RDH13: variants seen among roughly 807,000 people sequenced by gnomAD.
RDH13 encodes retinol dehydrogenase 13 (all-trans and 9-cis).
A neutral mutation model predicts 28.3 loss-of-function variants in RDH13; 35 were observed. That is an observed-to-expected ratio of 1.24 (90% CI 0.95 to 1.64). The LOEUF is 1.64. Among genes scored for constraint, RDH13 ranks in the 40% most tolerant of loss-of-function variants. RDH13 has a pLI of 0.00. For synonymous variants in RDH13, 229 were observed against 198.5 expected (o/e 1.15, Z -1.29); for missense variants, 514 against 446.3 (o/e 1.15, Z -1.37).
rs12609004 is a variant in RDH13 at position 55,056,717 on chromosome 19, G to A, written c.276C>T (p.Asn92=). ...GGGAAGCCAAGTCCAGGTGCCGGGC[G>A]TTGACATGGTGATTGAGGGTCTCCC... The part of the protein sequence containing the change: ...IRGETLNHHV[N]ARHLDLASLK... Residue 92 remains asparagine (N), a synonymous_variant, in exon 3 of 7, where the codon AAC becomes AAT. Coordinates refer to ENST00000415061, the MANE Select transcript of RDH13 (RefSeq NM_001145971.2). 1,258 of 1,613,940 alleles carry A rather than the reference G, an allele frequency of 7.8e-4. 12 individuals are homozygous for A. The African/African-American group carries it at 0.012, about 16-fold the overall frequency.
intron 1 of RDH13, among the ~76,000 whole-genome samples, chr19:55,061,891 C>T (rs1003276351): frequency 6.6e-6 from 1 of 152,024 alleles, no homozygotes; most frequent in Non-Finnish European, 1.5e-5. Flanking sequence ...GCCAAGGTGG[C>T]CAGATCCCCT....
At chr19:55,056,502 G>A (rs2075638495) in intron 3 of RDH13, 151 bp downstream of exon 3, 2 of 862,650 alleles carry the variant, frequency 2.3e-6, no homozygotes, top group South Asian at 2.3e-5. Context: ...CTTGCAGGCT[G>A]TACAAAAAAA....
chr19:55,057,850 C>CG (rs1204973959), intron 2 of RDH13, among the ~76,000 whole-genome samples: 1 of 148,834 alleles, frequency 6.7e-6, no homozygotes. Context: ...TCTGCTGCCG[C>CG]GGCTGGAGTG....
chr19:55,062,032 G>T (rs953882345), intron 1 of RDH13, among the ~76,000 whole-genome samples: 6 of 151,826 alleles, frequency 4.0e-5, no homozygotes, highest in Non-Finnish European at 8.8e-5. Flanking sequence ...CCGGACAATC[G>T]CTTGAACCCG....
At chr19:55,055,935 C>T (rs1671172) in intron 3 of RDH13, among the ~76,000 whole-genome samples, 112,250 of 151,766 alleles carry the variant, frequency 0.74, 41,720 homozygotes, top group East Asian at 0.94. Flanking sequence ...AGCAGATCAC[C>T]TGAGGTCAGG....
chr19:55,044,172 C>CCAAGTCTGAA (rs2075120508), downstream of RDH13: 1 of 152,102 alleles, frequency 6.6e-6, no homozygotes, highest in Admixed American at 6.6e-5. Context: ...CCGCGCCCGG[C>CCAAGTCTGAA]CAAGTCTGAA....
upstream of RDH13, chr19:55,063,155 G>A (rs868553204): frequency 2.2e-6 from 2 of 920,040 alleles, no homozygotes; most frequent in Non-Finnish European, 2.9e-6. Flanking sequence ...GCGCAGGCGC[G>A]GCTGGGCCCG....
intron 6 of RDH13, 157 bp downstream of exon 6, chr19:55,047,230 G>A (rs3745912): frequency 0.15 from 208,229 of 1,416,274 alleles, 16,242 homozygotes; most frequent in Middle Eastern, 0.26. Flanking sequence ...CCAGGTCAAC[G>A]GAGGAAAGGG....
chr19:55,041,198 A>C (rs1190637502), downstream of RDH13: 1 of 152,058 alleles, frequency 6.6e-6, no homozygotes, highest in African/African-American at 2.4e-5. Context: ...CTGGTCTTGA[A>C]CTCCTCCTGG....
chr19:55,056,668 C>T lies in RDH13; in HGVS notation c.325G>A (p.Ala109Thr), dbSNP rs1332778923. Reference sequence around the variant, plus strand: ...GTTCTCCTACCTTCAATGATCTTTGCTGCAAACTCTCGGATAGACTTGAGG... The same window carrying T: ...GTTCTCCTACCTTCAATGATCTTTGTTGCAAACTCTCGGATAGACTTGAGG... The part of the protein sequence containing the change: ...ASLKSIREFA[A>T]KIIEEEERVD... Residue 109 changes from alanine to threonine, a missense_variant, in exon 3 of 7, where the codon GCA (alanine) becomes ACA (threonine). Coordinates refer to ENST00000415061, the MANE Select transcript of RDH13 (RefSeq NM_001145971.2). 2 of 1,613,884 alleles carry T rather than the reference C, an allele frequency of 1.2e-6. No individual in the cohort carries two copies. The highest frequency in any genetic ancestry group is 1.3e-5 in the African/African-American group (1 of 74,882).
intron 2 of RDH13, 66 bp from the exon 3 acceptor site, chr19:55,056,874 A>G: frequency 1.5e-6 from 2 of 1,365,078 alleles, no homozygotes; most frequent in Admixed American, 2.1e-5. Flanking sequence ...CCCCAGAGAC[A>G]TGAAAACATA....
chr19:55,052,984 A>T lies in RDH13; in HGVS notation c.340+3669T>A, dbSNP rs150269844. ...CCTGATTGTTTTGTATTTTTTGTAG[A>T]GATGAGGTCTTGCTATGTTGCCCAG... On this transcript the variant is annotated intron_variant, in intron 3 of 6. Coordinates refer to ENST00000415061, the MANE Select transcript of RDH13 (RefSeq NM_001145971.2). Among the ~76,000 whole-genome samples, 883 of 151,968 alleles carry T rather than the reference A, an allele frequency of 5.8e-3. 2 individuals are homozygous for T. The highest frequency in any genetic ancestry group is 9.4e-3 in the Non-Finnish European group (636 of 68,002).
chr19:55,048,600 G>A (rs1355446180), intron 4 of RDH13, 59 bp from the exon 5 acceptor site: 7 of 1,610,510 alleles, frequency 4.3e-6, no homozygotes, highest in East Asian at 2.2e-5. Flanking sequence ...CCAGCACTTT[G>A]GGAGGACGAC....
chr19:55,057,937 G>C (rs1006877685), intron 2 of RDH13, among the ~76,000 whole-genome samples: 3 of 151,650 alleles, frequency 2.0e-5, no homozygotes, highest in Non-Finnish European at 2.9e-5. Context: ...ACCTGTGCCA[G>C]CATGCCTGGC....
rs1032266317 is a variant in RDH13 at position 55,056,770 on chromosome 19, A to G, written c.223T>C (p.Cys75Arg). Reference protein sequence around the residue: ...IILACRDMEKCEAAAKDIRGE... With the variant: ...IILACRDMEKREAAAKDIRGE... ...CGGATGTCCTTTGCTGCCGCCTCACACTTCTCCATGTCTCGGCAGGCCAGG... is the reference window on the plus strand; with the variant it reads ...CGGATGTCCTTTGCTGCCGCCTCACGCTTCTCCATGTCTCGGCAGGCCAGG... Residue 75 changes from cysteine to arginine, a missense_variant, in exon 3 of 7, where the codon TGT (cysteine) becomes CGT (arginine). Coordinates refer to ENST00000415061, the MANE Select transcript of RDH13 (RefSeq NM_001145971.2). 1.2e-6 allele frequency: 2 copies of G among 1,613,862 alleles called. No individual in the cohort carries two copies. Among genetic ancestry groups the G allele is most frequent in the East Asian group, 4.5e-5 (2 of 44,882 alleles).
At chr19:55,043,615 C>T (rs2075101897), downstream of RDH13, among the ~76,000 whole-genome samples, 1 of 151,858 alleles carries the variant, frequency 6.6e-6, no homozygotes, top group Non-Finnish European at 1.5e-5. Context: ...TTGCAGTGAG[C>T]TGAGATCATG....
downstream of RDH13, among the ~76,000 whole-genome samples, chr19:55,043,920 C>CT (rs1555812976): frequency 0.32 from 42,514 of 134,952 alleles, 6,967 homozygotes; most frequent in Middle Eastern, 0.45. Context: ...AAAGTCGGAA[C>CT]TTTTTTTTTT....
chr19:55,056,409 G>C (rs2075634256), intron 3 of RDH13, among the ~76,000 whole-genome samples: 1 of 152,162 alleles, frequency 6.6e-6, no homozygotes, highest in South Asian at 2.1e-4. Flanking sequence ...AGTGAGCCGA[G>C]ATCGCGCCAT....
intron 1 of RDH13, 105 bp downstream of exon 1, chr19:55,062,863 A>T (rs2075848541): frequency 1.9e-6 from 2 of 1,032,886 alleles, no homozygotes; most frequent in African/African-American, 3.4e-5. Context: ...GTCGGGAGCT[A>T]CGGGGCCTGG....
Sources: allele counts gnomAD v4.1 joint callset (sites outside exome capture counted in the v4.1 genomes callset), GRCh38; gene constraint gnomAD v4.1.1; transcripts MANE v1.5; gene names NCBI Gene and HGNC (gene_info 2026-07-23, HGNC 2026-07-21).